The following RALGAPA1 variants were observed in gnomAD, a reference collection of about 807,000 sequenced individuals.
RALGAPA1 encodes ral GTPase-activating protein subunit alpha-1.
In RALGAPA1, 52 loss-of-function variants were observed where a neutral mutation model predicts 269.6. The observed-to-expected ratio is 0.19, with a 90% CI of 0.15 to 0.24. The LOEUF (loss-of-function observed/expected upper bound fraction) is 0.24. Ranked by LOEUF, RALGAPA1 falls within the 10% of genes least tolerant of loss-of-function variation. The pLI is 1.00. For synonymous variants in RALGAPA1, 817 were observed against 1,008.3 expected, an observed-to-expected ratio of 0.81 and a Z score of 3.60; for missense variants, 1,917 against 3,013.9, an observed-to-expected ratio of 0.64 and a Z score of 8.52.
chr14:35,625,500 C>G, intron 34 of RALGAPA1, 68 bp from the exon 35 acceptor site: 1 of 1,147,326 alleles, frequency 8.7e-7, no homozygotes, highest in Admixed American at 2.2e-5. Context: ...CCCGGAAATA[C>G]TTTCCACTCT....
chr14:35,610,643 C>G (rs189546220), intron 35 of RALGAPA1, among the ~76,000 whole-genome samples: 1 of 152,102 alleles, frequency 6.6e-6, no homozygotes, highest in African/African-American at 2.4e-5. Context: ...AGACCTATAA[C>G]AAATGAAGAC....
intron 4 of RALGAPA1, chr14:35,766,324 A>C (rs1375057663): frequency 4.5e-6 from 5 of 1,108,580 alleles, no homozygotes; most frequent in Non-Finnish European, 6.9e-6. Flanking sequence ...GATCCTGTTA[A>C]ACCATTCATG....
intron 12 of RALGAPA1, among the ~76,000 whole-genome samples, chr14:35,728,839 T>A (rs1595346968): frequency 6.6e-6 from 1 of 152,140 alleles, no homozygotes; most frequent in Non-Finnish European, 1.5e-5. Context: ...TTCAACAGAT[T>A]CTCTTGCCTC....
At chr14:35,761,430 C>A (rs531600795) in intron 5 of RALGAPA1, among the ~76,000 whole-genome samples, 1 of 151,796 alleles carries the variant, frequency 6.6e-6, no homozygotes, top group African/African-American at 2.4e-5. Context: ...TGGCACACTG[C>A]GAATTCAATG....
intron 16 of RALGAPA1, among the ~76,000 whole-genome samples, chr14:35,718,645 G>A (rs547027470): frequency 6.6e-6 from 1 of 151,502 alleles, no homozygotes; most frequent in African/African-American, 2.4e-5. Context: ...GTGAAACTCC[G>A]TGTCCACTAA....
At chr14:35,668,001 C>A (rs935305652) in intron 26 of RALGAPA1, among the ~76,000 whole-genome samples, 3 of 152,160 alleles carry the variant, frequency 2.0e-5, no homozygotes, top group Non-Finnish European at 4.4e-5. Context: ...TCATCTGCAG[C>A]AACATGGGTA....
chr14:35,621,162 A>G (rs1029327454), intron 35 of RALGAPA1, among the ~76,000 whole-genome samples: 1 of 152,174 alleles, frequency 6.6e-6, no homozygotes, highest in Admixed American at 6.6e-5. Flanking sequence ...ACCAAAACAG[A>G]TATATAGACC....
rs1228323533 is a variant in RALGAPA1 at position 35,771,019 on chromosome 14, G to A, written c.268-20C>T. ...AATTTTCTAAAAATCAATATAAAGA[G>A]AAAAAAAGAAAAGAATAAAACCAAG... On this transcript the variant is annotated intron_variant, in intron 3 of 41. Coordinates refer to ENST00000680220, the MANE Select transcript of RALGAPA1 (RefSeq NM_001346249.2). The A allele has an allele frequency of 9.2e-7, 1 of 1,092,078 alleles. No individual in the cohort carries two copies. The highest frequency in any genetic ancestry group is 2.1e-4 in the Middle Eastern group (1 of 4,688). The allele number at this position is 1,092,078 out of a possible 1,614,324, so 67.6% of individuals were successfully genotyped here. A position where few individuals can be genotyped will look rare whatever the true frequency, so the allele number is the denominator to read the frequency against.
intron 1 of RALGAPA1, among the ~76,000 whole-genome samples, chr14:35,797,603 T>G (rs958851683): frequency 6.6e-6 from 1 of 151,870 alleles, no homozygotes; most frequent in Admixed American, 6.6e-5. Context: ...CCCAGCACTT[T>G]GAGAGGCCAA....
At chr14:35,672,655 A>G (rs1483143448) in intron 25 of RALGAPA1, among the ~76,000 whole-genome samples, 1 of 152,170 alleles carries the variant, frequency 6.6e-6, no homozygotes, top group South Asian at 2.1e-4. Context: ...AGAACTACTC[A>G]AGTCAATCCT....
intron 41 of RALGAPA1, among the ~76,000 whole-genome samples, chr14:35,545,347 T>C (rs2054360154): frequency 6.6e-6 from 1 of 152,026 alleles, no homozygotes; most frequent in African/African-American, 2.4e-5. Context: ...GGAATATAGA[T>C]TTTGCAAATT....
intron 1 of RALGAPA1, among the ~76,000 whole-genome samples, chr14:35,798,730 C>A (rs1020601017): frequency 9.2e-5 from 14 of 152,228 alleles, no homozygotes; most frequent in African/African-American, 3.4e-4. Context: ...GTGGCTCATG[C>A]CTGTAATCCC....
chr14:35,566,747 A>C (rs913716510), intron 39 of RALGAPA1, among the ~76,000 whole-genome samples: 4 of 151,586 alleles, frequency 2.6e-5, no homozygotes, highest in African/African-American at 9.7e-5. Flanking sequence ...CCTGTATTTC[A>C]ATATCTTAAA....
intron 3 of RALGAPA1, among the ~76,000 whole-genome samples, chr14:35,774,196 T>C (rs115668248): frequency 0.011 from 1,630 of 152,228 alleles, 33 homozygotes; most frequent in African/African-American, 0.037. Context: ...AGGGATTACT[T>C]TGAACCACCA....
intron 33 of RALGAPA1, among the ~76,000 whole-genome samples, chr14:35,630,245 T>C (rs747803434): frequency 1.7e-4 from 26 of 152,216 alleles, no homozygotes; most frequent in Non-Finnish European, 3.1e-4. Flanking sequence ...ATCAGCCAAG[T>C]TATGTCTACA....
chr14:35,688,758 A>T lies in RALGAPA1; in HGVS notation c.3653T>A (p.Leu1218His), dbSNP rs200488889. 1.4e-5 allele frequency: 21 copies of T among 1,456,814 alleles called. No homozygotes were observed. In the East Asian group the frequency reaches 4.9e-4, roughly 34 times the overall value. 90.2% of individuals were successfully genotyped at this position (1,456,814 alleles called of 1,614,324 possible). ...TTTGCTGCTTACTGATGCAGTACCA[A>T]GTGTATCTAGAGGTCTGTACACACC... is the stretch of plus-strand genomic sequence containing the variant. The part of the protein sequence containing the change: ...KPGVYRPLDT[L>H]GTASVSSKTV... The change falls in exon 18 of 42, where the codon CTT (leucine) becomes CAT (histidine). Residue 1218 changes from leucine (L) to histidine (H), a missense_variant. Leu to His is a moderately conservative substitution (Grantham distance 99). This residue lies in a region of RALGAPA1 where 615 missense variants were observed against 790.0 expected (regional missense o/e 0.78). Coordinates refer to ENST00000680220, the MANE Select transcript of RALGAPA1 (RefSeq NM_001346249.2).
intron 39 of RALGAPA1, among the ~76,000 whole-genome samples, chr14:35,550,257 GA>G (rs2054866531): frequency 6.6e-6 from 1 of 152,162 alleles, no homozygotes; most frequent in African/African-American, 2.4e-5. Context: ...CCTGAACTGA[GA>G]AATCAGTTAA....
intron 35 of RALGAPA1, among the ~76,000 whole-genome samples, chr14:35,618,819 A>G (rs1385350320): frequency 1.3e-5 from 2 of 152,154 alleles, no homozygotes; most frequent in Non-Finnish European, 2.9e-5. Flanking sequence ...CCTATTCAGA[A>G]TATCAATAAA....
intron 37 of RALGAPA1, among the ~76,000 whole-genome samples, chr14:35,589,037 G>A (rs1026032153): frequency 6.6e-6 from 1 of 152,082 alleles, no homozygotes; most frequent in African/African-American, 2.4e-5. Flanking sequence ...ACTTTTAAGT[G>A]GAATCTAAAA....
Sources: allele counts gnomAD v4.1 joint callset (sites outside exome capture counted in the v4.1 genomes callset), GRCh38; gene constraint gnomAD v4.1.1; regional missense constraint gnomAD v4.1.1; transcripts MANE v1.5; gene names NCBI Gene and HGNC (gene_info 2026-07-23, HGNC 2026-07-21).